HNF4G: variants seen among roughly 807,000 people sequenced by gnomAD.
HNF4G encodes hepatocyte nuclear factor 4 gamma, also known as hepatocyte nuclear factor 4-gamma.
HNF4G carries 21 observed loss-of-function variants against 50.9 expected under a neutral mutation model. That is an observed-to-expected ratio of 0.41 (90% CI 0.29 to 0.59). HNF4G has a LOEUF of 0.59. Among genes scored for constraint, HNF4G ranks in the 20% least tolerant of loss-of-function variants. The probability of loss-of-function intolerance (pLI) is 0.26; values close to 1 mark genes in which losing one functional copy is unlikely to be tolerated. For missense variants in HNF4G, 527 were observed against 559.4 expected (o/e 0.94, Z 0.58); for synonymous variants, 198 against 185.6 (o/e 1.07, Z -0.54).
At chr8:75,501,543 T>A (rs2977970) in intron 2 of HNF4G, among the ~76,000 whole-genome samples, 42,640 of 152,000 alleles carry the variant, frequency 0.28, 7,447 homozygotes, top group African/African-American at 0.5. Context: ...GTTTTGTTAT[T>A]TTTTTCACAT....
chr8:75,559,342 C>T (rs1807236280), intron 8 of HNF4G, among the ~76,000 whole-genome samples: 2 of 151,302 alleles, frequency 1.3e-5, no homozygotes, highest in African/African-American at 2.4e-5. Flanking sequence ...GGCACAATCT[C>T]GGCTCACTGC....
chr8:75,451,165 C>T (rs957712607), intron 1 of HNF4G, among the ~76,000 whole-genome samples: 1 of 151,912 alleles, frequency 6.6e-6, no homozygotes, highest in African/African-American at 2.4e-5. Flanking sequence ...TGGTCCTTCG[C>T]CCATTTTGGG....
intron 2 of HNF4G, among the ~76,000 whole-genome samples, chr8:75,525,267 C>T (rs1375224007): frequency 6.6e-6 from 1 of 152,140 alleles, no homozygotes; most frequent in East Asian, 1.9e-4. Context: ...CTTCCCGATT[C>T]AAGCAATTCT....
rs1006053673 is a variant in HNF4G, at chr8:75,558,907, G to A, written c.993G>A (p.Arg331=). 1 of 1,613,884 alleles carries A rather than the reference G, an allele frequency of 6.2e-7. No individual in the cohort carries two copies. The change falls in exon 8 of 10, where the codon AGG becomes AGA. Residue 331 remains arginine, a synonymous_variant. Transcript: ENST00000396423. ...ATCGGCAGTATGACTCCCGGGGGAG[G>A]TTTGGAGAGTTGCTTCTGCTCCTGC... The part of the protein sequence containing the change: ...INDRQYDSRG[R]FGELLLLLPT...
At chr8:75,494,562 C>G (rs1031947906) in intron 2 of HNF4G, among the ~76,000 whole-genome samples, 2 of 152,056 alleles carry the variant, frequency 1.3e-5, no homozygotes, top group African/African-American at 4.8e-5. Flanking sequence ...AAAGATTACA[C>G]ATTAAAATAT....
intron 2 of HNF4G, among the ~76,000 whole-genome samples, chr8:75,499,023 A>C (rs1812855120): frequency 6.6e-6 from 1 of 152,034 alleles, no homozygotes; most frequent in South Asian, 2.1e-4. Flanking sequence ...TGGAAGTTCA[A>C]ACCAGGGCAA....
chr8:75,479,886 T>C (rs1216844109), intron 1 of HNF4G, among the ~76,000 whole-genome samples: 2 of 152,146 alleles, frequency 1.3e-5, no homozygotes, highest in Non-Finnish European at 2.9e-5. Context: ...TAGTCTATCA[T>C]GACACTTTTA....
intron 1 of HNF4G, among the ~76,000 whole-genome samples, chr8:75,482,892 C>A (rs1812413417): frequency 6.6e-6 from 1 of 152,150 alleles, no homozygotes; most frequent in Non-Finnish European, 1.5e-5. Context: ...CATATTTACA[C>A]CATTGTTTCA....
At chr8:75,542,385 T>A (rs1806648243) in intron 1 of HNF4G, among the ~76,000 whole-genome samples, 1 of 152,056 alleles carries the variant, frequency 6.6e-6, no homozygotes, top group African/African-American at 2.4e-5. Flanking sequence ...TTTTTAAATG[T>A]GTGTTCAGAG....
intron 1 of HNF4G, among the ~76,000 whole-genome samples, chr8:75,486,791 C>T (rs1010979943): frequency 6.6e-6 from 1 of 152,012 alleles, no homozygotes; most frequent in African/African-American, 2.4e-5. Flanking sequence ...ATCTCTTGAC[C>T]CCAGGAGTTT....
intron 1 of HNF4G, among the ~76,000 whole-genome samples, chr8:75,425,215 G>C (rs1810865442): frequency 6.6e-6 from 1 of 151,922 alleles, no homozygotes; most frequent in Non-Finnish European, 1.5e-5. Context: ...CTCCCGAGTA[G>C]CTGGGATTAC....
intron 2 of HNF4G, among the ~76,000 whole-genome samples, chr8:75,522,459 T>C (rs780928795): frequency 1.3e-5 from 2 of 152,214 alleles, no homozygotes; most frequent in Non-Finnish European, 2.9e-5. Context: ...CCATTTGAAG[T>C]ATGTTAAATA....
intron 1 of HNF4G, among the ~76,000 whole-genome samples, chr8:75,414,811 C>T (rs2130470675): frequency 6.6e-6 from 1 of 152,262 alleles, no homozygotes; most frequent in African/African-American, 2.4e-5. Flanking sequence ...GAACATTTGG[C>T]TTGTTTCCAG....
chr8:75,423,580 C>T (rs1334255314), intron 1 of HNF4G, among the ~76,000 whole-genome samples: 8 of 151,428 alleles, frequency 5.3e-5, no homozygotes, highest in African/African-American at 1.7e-4. Flanking sequence ...TTAGTAGAGA[C>T]GGGGTTTCAC....
In HNF4G at chr8:75,562,673, A is replaced by G. The variant is rs892904346; in HGVS notation, c.1247-1302A>G. ...GCTAGTATTATAGTATTTTAAAAAC[A>G]TATTTGCTGACCCTAGTCTTTTAAA... On this transcript the variant is annotated intron_variant, in intron 9 of 9. Transcript: ENST00000396423. Among the ~76,000 whole-genome samples the G allele has an allele frequency of 3.3e-5, 5 of 152,320 alleles. No homozygotes were observed. The South Asian group carries it at 8.3e-4, about 25-fold the overall frequency.
intron 1 of HNF4G, among the ~76,000 whole-genome samples, chr8:75,458,499 T>C (rs1271464494): frequency 6.6e-6 from 1 of 152,036 alleles, no homozygotes; most frequent in Non-Finnish European, 1.5e-5. Context: ...GGGTCAAATT[T>C]TCATAATATC....
intron 2 of HNF4G, among the ~76,000 whole-genome samples, chr8:75,501,945 C>G (rs544161557): frequency 6.6e-6 from 1 of 151,760 alleles, no homozygotes; most frequent in East Asian, 2.0e-4. Flanking sequence ...CTCCGCCTCC[C>G]GGGTTCAAGC....
At chr8:75,552,976 GA>G (rs1807004666) in intron 4 of HNF4G, 65 bp from the exon 5 acceptor site, 10 of 1,194,804 alleles carry the variant, frequency 8.4e-6, no homozygotes, top group South Asian at 1.5e-5. Flanking sequence ...ATAGTCAAAA[GA>G]AAAAAAGGGG....
At chr8:75,503,514 C>A (rs548986634) in intron 2 of HNF4G, among the ~76,000 whole-genome samples, 16 of 152,150 alleles carry the variant, frequency 1.1e-4, no homozygotes, top group Non-Finnish European at 1.5e-4. Context: ...TAGATCAGAG[C>A]TTTTTATCCA....
Sources: gnomAD v4.1 joint callset for allele counts (sites outside exome capture counted in the v4.1 genomes callset) on GRCh38, gnomAD v4.1.1 for gene constraint, MANE v1.5 for transcripts, NCBI Gene and HGNC (gene_info 2026-07-23, HGNC 2026-07-21) for gene names.